The following REEP1 variants were observed in gnomAD, a reference collection of about 807,000 sequenced individuals.
REEP1 encodes the protein receptor expression-enhancing protein 1.
REEP1 carries 22 observed loss-of-function variants against 40.3 expected under a neutral mutation model. The observed-to-expected ratio is 0.55, with a 90% CI of 0.39 to 0.78. The LOEUF is 0.78. Among genes scored for constraint, REEP1 ranks in the 30% least tolerant of loss-of-function variants. The pLI, the probability that REEP1 is intolerant of heterozygous loss-of-function variation, is 0.00. For synonymous variants in REEP1, 116 were observed against 139.2 expected, an observed-to-expected ratio of 0.83 and a Z score of 1.17; for missense variants, 280 against 361.1, an observed-to-expected ratio of 0.78 and a Z score of 1.82.
rs1680585994 is a variant in REEP1, at chr2:86,327,804, T to C, written c.32+9675A>G. Among the ~76,000 whole-genome samples, 1 of 152,140 alleles carries C rather than the reference T, an allele frequency of 6.6e-6. No homozygotes were observed. The highest frequency in any genetic ancestry group is 1.5e-5 in the Non-Finnish European group (1 of 68,036). On this transcript the variant is annotated intron_variant, in intron 1 of 8. Coordinates refer to ENST00000538924, the MANE Select transcript of REEP1 (RefSeq NM_001371279.1). ...GGATGGTCTGGATCTCCTGATCTCA[T>C]GATCTGCCCGCCTCGGCCTCCCAAA...
At chr2:86,268,761 C>G (rs1382278686) in intron 2 of REEP1, among the ~76,000 whole-genome samples, 1 of 152,112 alleles carries the variant, frequency 6.6e-6, no homozygotes, top group Non-Finnish European at 1.5e-5. Flanking sequence ...CCATGTGCAA[C>G]TGGTAAAAAA....
intron 2 of REEP1, among the ~76,000 whole-genome samples, chr2:86,269,099 A>T (rs562826596): frequency 1.3e-5 from 2 of 152,328 alleles, no homozygotes; most frequent in African/African-American, 4.8e-5. Flanking sequence ...TGGATACAAC[A>T]TCAATGGTAT....
chr2:86,294,672 T>C (rs1161305972), intron 1 of REEP1, among the ~76,000 whole-genome samples: 1 of 152,156 alleles, frequency 6.6e-6, no homozygotes, highest in African/African-American at 2.4e-5. Context: ...TTGCTGTATA[T>C]TATGTTCTAT....
In REEP1 at chr2:86,216,945, A is replaced by G. The variant is rs141976852; in HGVS notation, c.*94T>C. 0.027 allele frequency: 27,412 copies of G among 1,019,268 alleles called. 506 individuals are homozygous for G. The highest frequency in any genetic ancestry group is 0.035 in the Non-Finnish European group (22,608 of 654,026). 63.1% of individuals were successfully genotyped at this position (1,019,268 alleles called of 1,614,324 possible). ...GTTTGTGAGGCTGCACACTCAAAGC[A>G]CACCCAGCTTGCGGATTTCTATGTT... On this transcript the variant is annotated 3_prime_UTR_variant, in exon 9 of 9. Coordinates refer to ENST00000538924, the MANE Select transcript of REEP1 (RefSeq NM_001371279.1).
intron 1 of REEP1, among the ~76,000 whole-genome samples, chr2:86,311,747 G>A (rs930793961): frequency 7.9e-5 from 12 of 152,136 alleles, no homozygotes; most frequent in Non-Finnish European, 1.5e-5. Flanking sequence ...TAAGGTTCCA[G>A]GTGGACATGA....
chr2:86,331,509 C>A (rs1426201817), intron 1 of REEP1, among the ~76,000 whole-genome samples: 1 of 147,918 alleles, frequency 6.8e-6, no homozygotes, highest in Non-Finnish European at 1.5e-5. Context: ...GAGCTGTGAT[C>A]AGTGAAAGGA....
At position 86,318,390 on chromosome 2, in the gene REEP1, CTTTTCTTTTCTTT is replaced by C. The variant is rs1680125866; in HGVS notation, c.32+19076_32+19088del. On this transcript the variant is annotated intron_variant, in intron 1 of 8. Coordinates refer to ENST00000538924, the MANE Select transcript of REEP1 (RefSeq NM_001371279.1). ...TTTCTGGAAAAAGTAGTTTTCTTTTCTTTTCTTTTCTTTTTTTTTTTTTTTTGAGATAGAGTCT... is the reference window on the plus strand; with the variant it reads ...TTTCTGGAAAAAGTAGTTTTCTTTTCTTTTTTTTTTTTTGAGATAGAGTCT... 4.7e-5 allele frequency among the ~76,000 whole-genome samples: 6 copies of C among 128,512 alleles called. No individual in the cohort carries two copies. In the South Asian group the frequency reaches 1.4e-3, roughly 30 times the overall value. The allele number at this position is 128,512 out of a possible 152,430, so 84.3% of individuals were successfully genotyped here.
chr2:86,278,204 T>C (rs4832271), intron 2 of REEP1, among the ~76,000 whole-genome samples: 64,383 of 152,088 alleles, frequency 0.42, 14,068 homozygotes, highest in East Asian at 0.58. Context: ...ACCAGTTGCA[T>C]GAATATGGAC....
chr2:86,243,551 G>A (rs1242259699), intron 5 of REEP1, among the ~76,000 whole-genome samples: 1 of 152,194 alleles, frequency 6.6e-6, no homozygotes, highest in Non-Finnish European at 1.5e-5. Context: ...CACTATGCAT[G>A]GAGCAGTGTG....
chr2:86,319,143 A>C (rs1183640619), intron 1 of REEP1, among the ~76,000 whole-genome samples: 1 of 152,182 alleles, frequency 6.6e-6, no homozygotes. Context: ...CTTAAACTTC[A>C]GCCTGCATAA....
At chr2:86,267,244 C>T (rs944870004) in intron 2 of REEP1, among the ~76,000 whole-genome samples, 5 of 152,036 alleles carry the variant, frequency 3.3e-5, no homozygotes, top group East Asian at 1.9e-4. Flanking sequence ...TTCATGGGGG[C>T]GGTTTCCCCC....
At chr2:86,335,778 G>A (rs1417611030) in intron 1 of REEP1, among the ~76,000 whole-genome samples, 1 of 150,168 alleles carries the variant, frequency 6.7e-6, no homozygotes, top group Non-Finnish European at 1.5e-5. Context: ...GAACCCAGGA[G>A]GCGGAGGCTT....
chr2:86,223,996 G>A (rs564054139), intron 7 of REEP1, among the ~76,000 whole-genome samples: 27 of 152,080 alleles, frequency 1.8e-4, no homozygotes, highest in Non-Finnish European at 2.5e-4. Context: ...TGACAAATGG[G>A]GCAGGAACAG....
chr2:86,337,525 CG>C lies in REEP1; in HGVS notation c.-16del. On this transcript the variant is annotated 5_prime_UTR_variant, in exon 1 of 9. Coordinates refer to ENST00000538924, the MANE Select transcript of REEP1 (RefSeq NM_001371279.1). This position sits in a 1 kb window ranked among gnomAD's most constrained non-coding sequence, Gnocchi z 5.8. ...CATGACACCATGGCGGGCAGGCGGG[CG>C]GGCGAGGCCCGGGCGGCGCGGCTCG... is the stretch of plus-strand genomic sequence containing the variant. 7.9e-7 allele frequency: 1 copy of C among 1,264,688 alleles called. No homozygotes were observed. The highest frequency in any genetic ancestry group is 1.0e-6 in the Non-Finnish European group (1 of 1,000,984). 78.3% of individuals were successfully genotyped at this position (1,264,688 alleles called of 1,614,324 possible).
intron 8 of REEP1, among the ~76,000 whole-genome samples, chr2:86,218,980 T>C (rs1573983332): frequency 6.6e-6 from 1 of 152,290 alleles, no homozygotes; most frequent in Non-Finnish European, 1.5e-5. Flanking sequence ...AGATGGGGAA[T>C]AGGAGAGGAG....
Position 86,309,621 on chromosome 2 carries a change from G to A in REEP1, c.33-27379C>T, listed in dbSNP as rs961467111. Among the ~76,000 whole-genome samples, 7 of 152,276 alleles carry A rather than the reference G, an allele frequency of 4.6e-5. 1 individual carries two copies. The highest frequency in any genetic ancestry group is 3.4e-3 in the Middle Eastern group (1 of 294). Reference sequence around the variant, plus strand: ...GAGGTCTGTGATCGGGTGCCAGCATGGTCAGGTTCTGGTGAGGGCTCTCTT... The same window carrying A: ...GAGGTCTGTGATCGGGTGCCAGCATAGTCAGGTTCTGGTGAGGGCTCTCTT... On this transcript the variant is annotated intron_variant, in intron 1 of 8. Coordinates refer to ENST00000538924, the MANE Select transcript of REEP1 (RefSeq NM_001371279.1).
At chr2:86,332,507 C>T (rs1172026717) in intron 1 of REEP1, among the ~76,000 whole-genome samples, 1 of 148,662 alleles carries the variant, frequency 6.7e-6, no homozygotes, top group Non-Finnish European at 1.5e-5. Context: ...GTACACAAAA[C>T]AGCAGCCTCA....
chr2:86,230,927 G>T (rs1224998957), intron 6 of REEP1, among the ~76,000 whole-genome samples: 1 of 152,184 alleles, frequency 6.6e-6, no homozygotes, highest in Non-Finnish European at 1.5e-5. Flanking sequence ...TTCATCTGAG[G>T]CTTGGTAGAT....
chr2:86,319,614 G>A, intron 1 of REEP1, among the ~76,000 whole-genome samples: 1 of 152,086 alleles, frequency 6.6e-6, no homozygotes, highest in East Asian at 1.9e-4. Context: ...AGAATCACTT[G>A]AACCTAGGAG....
Sources: allele counts gnomAD v4.1 joint callset (sites outside exome capture counted in the v4.1 genomes callset), GRCh38; gene constraint gnomAD v4.1.1; non-coding constraint Gnocchi (gnomAD v3.1); transcripts MANE v1.5; gene names NCBI Gene and HGNC (gene_info 2026-07-23, HGNC 2026-07-21).